Variants in PHF21A observed in about 807,000 individuals in gnomAD.
PHF21A encodes the protein BHC80a.
Under a neutral mutation model 82.5 loss-of-function variants are expected in PHF21A, and 11 were observed. The observed-to-expected ratio is 0.13, with a 90% CI of 0.08 to 0.22. The LOEUF is 0.22. Ranked by LOEUF, PHF21A falls within the 10% of genes least tolerant of loss-of-function variation. PHF21A has a pLI of 1.00. For missense variants in PHF21A, 579 were observed against 837.8 expected, an observed-to-expected ratio of 0.69 and a Z score of 3.81; for synonymous variants, 297 against 302.8, an observed-to-expected ratio of 0.98 and a Z score of 0.20.
chr11:46,073,503 G>A (rs943131109), intron 6 of PHF21A, among the ~76,000 whole-genome samples: 2 of 152,052 alleles, frequency 1.3e-5, no homozygotes. Context: ...AAAGCGAAAC[G>A]TAATTTATTG....
rs114195657 is a variant in PHF21A at position 46,018,658 on chromosome 11, C to T, written c.154-38692G>A. On this transcript the variant is annotated intron_variant, in intron 6 of 18. Transcript: ENST00000676320. ...CCATACAGGTACATATGTCACATGA[C>T]TTGGCAAAAGATAATTTGGTAAACA... 9.8e-3 allele frequency among the ~76,000 whole-genome samples: 1,488 copies of T among 152,216 alleles called. 20 individuals are homozygous for T. Among genetic ancestry groups the T allele is most frequent in the African/African-American group, 0.032 (1,313 of 41,530 alleles).
chr11:45,954,076 A>G (rs2092419292), intron 10 of PHF21A, among the ~76,000 whole-genome samples: 1 of 152,138 alleles, frequency 6.6e-6, no homozygotes, highest in Non-Finnish European at 1.5e-5. Flanking sequence ...AGTTCACTGC[A>G]ACCTCTGCCT....
At chr11:46,099,893 T>C (rs1006089512) in intron 1 of PHF21A, among the ~76,000 whole-genome samples, 2 of 152,178 alleles carry the variant, frequency 1.3e-5, no homozygotes, top group African/African-American at 2.4e-5. Flanking sequence ...ACCCTGACTT[T>C]AGGCCTAAAA....
At chr11:46,019,107 C>A (rs2095578966) in intron 6 of PHF21A, among the ~76,000 whole-genome samples, 1 of 150,266 alleles carries the variant, frequency 6.7e-6, no homozygotes, top group Admixed American at 6.6e-5. Context: ...TAATTTGGAG[C>A]CTTTGAAACT....
intron 1 of PHF21A, among the ~76,000 whole-genome samples, chr11:46,106,855 T>A (rs1045800695): frequency 6.6e-6 from 1 of 152,186 alleles, no homozygotes; most frequent in African/African-American, 2.4e-5. Flanking sequence ...CAAGTAAGGT[T>A]TATATTTCTG....
At chr11:45,954,678 G>T (rs2092492677) in intron 10 of PHF21A, among the ~76,000 whole-genome samples, 1 of 152,150 alleles carries the variant, frequency 6.6e-6, no homozygotes, top group Non-Finnish European at 1.5e-5. Context: ...CTCATTTTAT[G>T]AAGCTCTCCG....
At chr11:45,951,671 C>T (rs1244385717) in intron 11 of PHF21A, among the ~76,000 whole-genome samples, 3 of 152,128 alleles carry the variant, frequency 2.0e-5, no homozygotes, top group African/African-American at 2.4e-5. Flanking sequence ...AGTGTGTGGA[C>T]TGATATTCAG....
At chr11:46,005,667 G>C (rs2095277256) in intron 6 of PHF21A, among the ~76,000 whole-genome samples, 1 of 152,136 alleles carries the variant, frequency 6.6e-6, no homozygotes. Context: ...TACTGGAATA[G>C]TTAAATAAAC....
At chr11:45,945,697 T>C in intron 15 of PHF21A, 143 bp downstream of exon 15, 1 of 639,576 alleles carries the variant, frequency 1.6e-6, no homozygotes, top group African/African-American at 1.9e-5. Flanking sequence ...CTGCCTTACA[T>C]GGCATAAAAA....
chr11:46,079,237 CA>C, intron 4 of PHF21A, 71 bp from the exon 5 acceptor site: 17 of 1,090,248 alleles, frequency 1.6e-5, no homozygotes, highest in South Asian at 9.2e-5. Context: ...AGGTTTGGAC[CA>C]AAAAATCTAG....
intron 6 of PHF21A, among the ~76,000 whole-genome samples, chr11:46,045,120 A>C (rs573295638): frequency 3.9e-5 from 6 of 152,244 alleles, no homozygotes; most frequent in African/African-American, 1.4e-4. Context: ...AGCTTGTGTG[A>C]TTCCCCTGAC....
intron 6 of PHF21A, among the ~76,000 whole-genome samples, chr11:46,069,113 G>C (rs1043258191): frequency 6.6e-6 from 1 of 152,116 alleles, no homozygotes; most frequent in Non-Finnish European, 1.5e-5. Context: ...ACAACCTCTC[G>C]ATCTTCAGAA....
At chr11:46,034,111 A>T (rs1371882455) in intron 6 of PHF21A, among the ~76,000 whole-genome samples, 2 of 152,124 alleles carry the variant, frequency 1.3e-5, no homozygotes, top group Middle Eastern at 3.2e-3. Context: ...CCTCATTACT[A>T]ATAAAACTAA....
chr11:46,055,590 C>A (rs1475729196), intron 6 of PHF21A, among the ~76,000 whole-genome samples: 1 of 152,106 alleles, frequency 6.6e-6, no homozygotes, highest in Non-Finnish European at 1.5e-5. Context: ...GCAGTCAATT[C>A]ATCCCTTTAC....
chr11:46,076,827 G>A lies in PHF21A; in HGVS notation c.88-8C>T, dbSNP rs1349046560. On this transcript the variant is annotated splice_region_variant and splice_polypyrimidine_tract_variant and intron_variant, in intron 5 of 18. Transcript: ENST00000676320. ...TTTCTTTAAGTCAGCATTCTGATTG[G>A]AAAGAAAAAATATCTGTGAGAAAGA... 1 of 1,606,606 alleles carries A rather than the reference G, an allele frequency of 6.2e-7. No individual in the cohort carries two copies. The highest frequency in any genetic ancestry group is 2.2e-5 in the East Asian group (1 of 44,810).
At chr11:46,079,266 A>C (rs545595653) in intron 4 of PHF21A, 100 bp from the exon 5 acceptor site, 55 of 773,704 alleles carry the variant, frequency 7.1e-5, no homozygotes, top group African/African-American at 5.7e-4. Flanking sequence ...AGTTAACACA[A>C]AAAAAAGAGC....
intron 6 of PHF21A, among the ~76,000 whole-genome samples, chr11:46,006,236 C>T (rs2095291438): frequency 6.6e-6 from 1 of 152,076 alleles, no homozygotes; most frequent in Non-Finnish European, 1.5e-5. Context: ...ATGTGTACTC[C>T]CAATTTTCAT....
intron 6 of PHF21A, among the ~76,000 whole-genome samples, chr11:46,066,652 T>C (rs1013089689): frequency 3.9e-5 from 6 of 152,130 alleles, no homozygotes; most frequent in Non-Finnish European, 7.4e-5. Context: ...CGAGCTATGA[T>C]TGTACCACCG....
intron 4 of PHF21A, among the ~76,000 whole-genome samples, chr11:46,082,511 TATAA>T (rs2096804466): frequency 6.6e-6 from 1 of 152,184 alleles, no homozygotes; most frequent in Admixed American, 6.5e-5. Context: ...ATTATTGACA[TATAA>T]ATAAATGTTT....
Sources: allele counts gnomAD v4.1 joint callset (sites outside exome capture counted in the v4.1 genomes callset), GRCh38; gene constraint gnomAD v4.1.1; transcripts MANE v1.5; gene names NCBI Gene and HGNC (gene_info 2026-07-23, HGNC 2026-07-21).